NEK10: variants seen among roughly 807,000 people sequenced by gnomAD.
NEK10 encodes NIMA related kinase 10.
A neutral mutation model predicts 159.8 loss-of-function variants in NEK10; 122 were observed. The observed-to-expected ratio is 0.76, with a 90% CI of 0.66 to 0.89. The LOEUF (loss-of-function observed/expected upper bound fraction) is 0.89. Ranked by LOEUF, NEK10 falls within the 40% of genes least tolerant of loss-of-function variation. The probability of loss-of-function intolerance (pLI) is 0.00; values close to 1 mark genes in which losing one functional copy is unlikely to be tolerated. For synonymous variants in NEK10, 466 were observed against 457.1 expected (o/e 1.02, Z -0.25); for missense variants, 1,342 against 1,323.1 (o/e 1.01, Z -0.22).
Position 27,109,300 on chromosome 3 carries a change from A to G in NEK10, c.*1972T>C, listed in dbSNP as rs907762161. ...AGGCTGAGGCAGGAGAATTGCTTGAACCTGGGTGGCGGAGGTTGCAGTAAG... is the reference window on the plus strand; with the variant it reads ...AGGCTGAGGCAGGAGAATTGCTTGAGCCTGGGTGGCGGAGGTTGCAGTAAG... On this transcript the variant is annotated 3_prime_UTR_variant, in exon 36 of 36. Coordinates refer to ENST00000691995, the MANE Select transcript of NEK10 (RefSeq NM_001394966.1). 6.6e-6 allele frequency among the ~76,000 whole-genome samples: 1 copy of G among 150,740 alleles called. No homozygotes were observed. Among genetic ancestry groups the G allele is most frequent in the Non-Finnish European group, 1.5e-5 (1 of 67,804 alleles).
At chr3:27,195,490 G>A (rs1180247264) in intron 25 of NEK10, among the ~76,000 whole-genome samples, 1 of 152,170 alleles carries the variant, frequency 6.6e-6, no homozygotes, top group African/African-American at 2.4e-5. Context: ...AGACAATGAG[G>A]AGTCTTAACT....
At chr3:27,212,840 C>G (rs1951129922) in intron 23 of NEK10, among the ~76,000 whole-genome samples, 2 of 152,120 alleles carry the variant, frequency 1.3e-5, no homozygotes, top group Admixed American at 6.5e-5. Flanking sequence ...GTAACTTTAT[C>G]GTAATTTCCC....
intron 23 of NEK10, among the ~76,000 whole-genome samples, chr3:27,214,271 G>A (rs907054835): frequency 2.0e-5 from 3 of 152,164 alleles, no homozygotes; most frequent in Admixed American, 2.0e-4. Flanking sequence ...CCACCCCTAG[G>A]CATATGTTAT....
chr3:27,184,732 C>T (rs1438162347), intron 26 of NEK10, among the ~76,000 whole-genome samples: 1 of 152,144 alleles, frequency 6.6e-6, no homozygotes, highest in East Asian at 1.9e-4. Flanking sequence ...GTAGCATTTT[C>T]ACAGCCTTGG....
intron 16 of NEK10, among the ~76,000 whole-genome samples, chr3:27,292,027 G>A (rs1384151956): frequency 1.3e-5 from 2 of 152,020 alleles, no homozygotes; most frequent in African/African-American, 4.8e-5. Context: ...CAAAGTTGGG[G>A]AAATAATATT....
rs1954489459 is a variant in NEK10 at position 27,240,939 on chromosome 3, C to A, written c.2090+15357G>T. ...AAAGTGCTGGAATTACAGGCATGAGCCACCATGCCTGGCCTATCACATCTA... is the reference window on the plus strand; with the variant it reads ...AAAGTGCTGGAATTACAGGCATGAGACACCATGCCTGGCCTATCACATCTA... On this transcript the variant is annotated intron_variant, in intron 23 of 35. Transcript: ENST00000691995. Among the ~76,000 whole-genome samples, 3 of 152,128 alleles carry A rather than the reference C, an allele frequency of 2.0e-5. No individual in the cohort carries two copies. The South Asian group carries it at 6.2e-4, about 31-fold the overall frequency.
chr3:27,289,182 G>A (rs1030214713), intron 19 of NEK10, among the ~76,000 whole-genome samples: 1 of 152,190 alleles, frequency 6.6e-6, no homozygotes, highest in Non-Finnish European at 1.5e-5. Context: ...CCAAATGATC[G>A]CATGGAGCAG....
At chr3:27,135,686 A>G (rs896515244) in intron 31 of NEK10, among the ~76,000 whole-genome samples, 1 of 152,238 alleles carries the variant, frequency 6.6e-6, no homozygotes, top group African/African-American at 2.4e-5. Flanking sequence ...TTATTTTGAC[A>G]TTACTGCATA....
At chr3:27,265,406 G>T (rs745688439) in intron 22 of NEK10, among the ~76,000 whole-genome samples, 17 of 152,308 alleles carry the variant, frequency 1.1e-4, no homozygotes, top group South Asian at 2.1e-4. Context: ...AAATTTGAGC[G>T]TTCCAGTTGC....
rs540048562 is a variant in NEK10 at position 27,156,532 on chromosome 3, C to T, written c.2869+6169G>A. Among the ~76,000 whole-genome samples, 11 of 152,098 alleles carry T rather than the reference C, an allele frequency of 7.2e-5. No homozygotes were observed. The East Asian group carries it at 1.7e-3, about 24-fold the overall frequency. On this transcript the variant is annotated intron_variant, in intron 30 of 35. Transcript: ENST00000691995. ...TTCTCAAAAGAAGATACTCAAATGACCAACGAACATACGAAAAAATGTTCA... is the reference window on the plus strand; with the variant it reads ...TTCTCAAAAGAAGATACTCAAATGATCAACGAACATACGAAAAAATGTTCA...
At chr3:27,224,738 C>T (rs1413135904) in intron 23 of NEK10, among the ~76,000 whole-genome samples, 2 of 152,072 alleles carry the variant, frequency 1.3e-5, no homozygotes, top group African/African-American at 4.8e-5. Context: ...ATGTAAGCTC[C>T]GTTTTCTATG....
chr3:27,239,045 G>C (rs1954275179), intron 23 of NEK10, among the ~76,000 whole-genome samples: 1 of 152,024 alleles, frequency 6.6e-6, no homozygotes, highest in Non-Finnish European at 1.5e-5. Flanking sequence ...TGAAGACTTG[G>C]CCCACAACCA....
chr3:27,299,911 T>C (rs973606074), intron 13 of NEK10, among the ~76,000 whole-genome samples: 4 of 152,224 alleles, frequency 2.6e-5, no homozygotes, highest in African/African-American at 4.8e-5. Flanking sequence ...AGGAAGTAAC[T>C]GACTTGCTTT....
intron 3 of NEK10, 41 bp downstream of exon 3, chr3:27,352,424 T>A (rs1209703186): frequency 7.2e-7 from 1 of 1,383,052 alleles, no homozygotes; most frequent in Non-Finnish European, 1.0e-6. Flanking sequence ...AACATATGAT[T>A]TTTCTTTTAT....
At chr3:27,272,565 T>C (rs996099192) in intron 22 of NEK10, among the ~76,000 whole-genome samples, 5 of 152,192 alleles carry the variant, frequency 3.3e-5, no homozygotes, top group African/African-American at 1.2e-4. Context: ...TACCAACACC[T>C]GCCTTCATCA....
chr3:27,321,539 G>C (rs913997553), intron 6 of NEK10, among the ~76,000 whole-genome samples: 7 of 152,122 alleles, frequency 4.6e-5, no homozygotes, highest in African/African-American at 1.7e-4. Flanking sequence ...CGGACATGGT[G>C]GCACGTGCCT....
chr3:27,203,133 GAC>G (rs1377447214), intron 23 of NEK10, among the ~76,000 whole-genome samples: 5 of 152,122 alleles, frequency 3.3e-5, no homozygotes, highest in Non-Finnish European at 7.4e-5. Flanking sequence ...CCCAGCATAA[GAC>G]ACACAGAACC....
intron 23 of NEK10, among the ~76,000 whole-genome samples, chr3:27,205,497 T>C (rs1950465978): frequency 1.0e-5 from 1 of 100,056 alleles, no homozygotes; most frequent in East Asian, 2.2e-4. Flanking sequence ...ATGGTACTGG[T>C]ACCAAAACAG....
chr3:27,199,354 T>G (rs1434905268), intron 25 of NEK10, among the ~76,000 whole-genome samples: 1 of 152,032 alleles, frequency 6.6e-6, no homozygotes, highest in African/African-American at 2.4e-5. Flanking sequence ...AAGCATGAAA[T>G]AAAGCTCAAC....
Sources: allele counts gnomAD v4.1 joint callset (sites outside exome capture counted in the v4.1 genomes callset), GRCh38; gene constraint gnomAD v4.1.1; transcripts MANE v1.5; gene names NCBI Gene and HGNC (gene_info 2026-07-23, HGNC 2026-07-21).